Variants in DCDC1 observed in about 807,000 individuals in gnomAD.
DCDC1 encodes the protein doublecortin domain-containing protein 1.
A neutral mutation model predicts 178.3 loss-of-function variants in DCDC1; 200 were observed. The observed-to-expected ratio is 1.12, with a 90% CI of 1.00 to 1.26. DCDC1 has a LOEUF of 1.26. DCDC1 is among the 50% of genes most tolerant of loss of function. The pLI is 0.00. For missense variants in DCDC1, 1,983 were observed against 1,749.2 expected (o/e 1.13, Z -2.38); for synonymous variants, 690 against 604.8 (o/e 1.14, Z -2.07).
intron 20 of DCDC1, among the ~76,000 whole-genome samples, chr11:30,994,263 T>C (rs1230766528): frequency 6.6e-6 from 1 of 152,074 alleles, no homozygotes; most frequent in Admixed American, 6.6e-5. Context: ...GCATTCGTAA[T>C]AAAAATTTAC....
chr11:30,934,341 T>C (rs1237359430), intron 21 of DCDC1, among the ~76,000 whole-genome samples: 1 of 152,266 alleles, frequency 6.6e-6, no homozygotes, highest in South Asian at 2.1e-4. Context: ...CCAGGGTGAA[T>C]GGAATGGCCA....
intron 3 of DCDC1, among the ~76,000 whole-genome samples, chr11:31,325,974 T>G (rs1184086777): frequency 3.9e-5 from 6 of 152,072 alleles, no homozygotes; most frequent in Non-Finnish European, 8.8e-5. Flanking sequence ...CAATGGCTCT[T>G]AAATTACCAT....
At chr11:31,079,288 A>T (rs1957040666) in intron 17 of DCDC1, among the ~76,000 whole-genome samples, 1 of 152,176 alleles carries the variant, frequency 6.6e-6, no homozygotes, top group African/African-American at 2.4e-5. Flanking sequence ...ATGTGCCAGG[A>T]GGGTGGTGCA....
intron 20 of DCDC1, among the ~76,000 whole-genome samples, chr11:31,021,038 T>C (rs1176230912): frequency 1.3e-5 from 2 of 152,242 alleles, no homozygotes; most frequent in Non-Finnish European, 2.9e-5. Flanking sequence ...GACCATTTTT[T>C]TTAATCTTGC....
At chr11:30,955,166 C>A (rs1223507194) in intron 20 of DCDC1, among the ~76,000 whole-genome samples, 1 of 152,142 alleles carries the variant, frequency 6.6e-6, no homozygotes, top group East Asian at 1.9e-4. Flanking sequence ...TTGTAGTTTT[C>A]TCATTCACAC....
At chr11:31,139,496 G>A (rs546856367) in intron 9 of DCDC1, among the ~76,000 whole-genome samples, 8 of 152,240 alleles carry the variant, frequency 5.3e-5, no homozygotes, top group Admixed American at 2.0e-4. Flanking sequence ...GAGAGGAAAC[G>A]GGTGTAGAAG....
rs750424489 is a variant in DCDC1 at position 30,900,328 on chromosome 11, C to A, written c.4663+18G>T. 3.8e-4 allele frequency: 564 copies of A among 1,488,974 alleles called. No homozygotes were observed. The highest frequency in any genetic ancestry group is 1.1e-3 in the Middle Eastern group (6 of 5,656). 92.2% of individuals were successfully genotyped at this position (1,488,974 alleles called of 1,614,324 possible). ...CTTCATATACTTGCTTGAAAGAAAG[C>A]AAAAACAAAAAAGTTACCATTTGGA... On this transcript the variant is annotated intron_variant, in intron 33 of 38. Transcript: ENST00000684477.
chr11:31,116,623 G>C (rs1171734721), intron 11 of DCDC1, among the ~76,000 whole-genome samples: 1 of 151,890 alleles, frequency 6.6e-6, no homozygotes, highest in Non-Finnish European at 1.5e-5. Flanking sequence ...AATATTCAAA[G>C]TGATAATGAC....
chr11:31,160,290 A>G (rs2136158548), intron 9 of DCDC1, among the ~76,000 whole-genome samples: 1 of 152,300 alleles, frequency 6.6e-6, no homozygotes, highest in African/African-American at 2.4e-5. Context: ...TACTCATCAC[A>G]CATTCGGAAT....
intron 20 of DCDC1, among the ~76,000 whole-genome samples, chr11:31,011,520 C>T (rs555343269): frequency 2.6e-5 from 4 of 152,292 alleles, no homozygotes; most frequent in African/African-American, 9.6e-5. Context: ...TGCTCTGCTT[C>T]ACCAGTAGTC....
chr11:30,902,049 T>C (rs1944716560), intron 32 of DCDC1, among the ~76,000 whole-genome samples: 1 of 152,096 alleles, frequency 6.6e-6, no homozygotes, highest in South Asian at 2.1e-4. Flanking sequence ...ATTGAATATA[T>C]ATACACATAT....
intron 36 of DCDC1, among the ~76,000 whole-genome samples, chr11:30,884,011 G>A (rs950705420): frequency 5.4e-4 from 68 of 125,412 alleles, no homozygotes; most frequent in Middle Eastern, 5.4e-3. Flanking sequence ...GCAAGAAAAA[G>A]AAAACCAAAG....
At chr11:31,137,308 A>C (rs1012863347) in intron 10 of DCDC1, among the ~76,000 whole-genome samples, 1 of 150,848 alleles carries the variant, frequency 6.6e-6, no homozygotes, top group Non-Finnish European at 1.5e-5. Context: ...TTACTATAAG[A>C]CTCAAAGTAA....
At chr11:30,950,837 A>T (rs747844031) in intron 21 of DCDC1, among the ~76,000 whole-genome samples, 12 of 152,212 alleles carry the variant, frequency 7.9e-5, no homozygotes, top group Middle Eastern at 6.8e-3. Flanking sequence ...GTATATTTTT[A>T]AATAACCAAA....
intron 20 of DCDC1, among the ~76,000 whole-genome samples, chr11:30,987,590 T>TA (rs1950727418): frequency 6.6e-6 from 1 of 152,034 alleles, no homozygotes; most frequent in Non-Finnish European, 1.5e-5. Context: ...ACCTCTCTTA[T>TA]AGGGCTATAT....
At chr11:31,039,005 T>C (rs1485890941) in intron 20 of DCDC1, among the ~76,000 whole-genome samples, 2 of 152,216 alleles carry the variant, frequency 1.3e-5, no homozygotes, top group Admixed American at 1.3e-4. Context: ...TTTAATTTCA[T>C]CATTTGATGA....
chr11:31,076,495 T>C (rs1956872607), intron 18 of DCDC1, among the ~76,000 whole-genome samples: 1 of 152,046 alleles, frequency 6.6e-6, no homozygotes, highest in Admixed American at 6.6e-5. Context: ...ATCACAGGCA[T>C]GCACCATCAG....
chr11:31,129,575 T>A (rs1251901917), intron 10 of DCDC1, among the ~76,000 whole-genome samples: 2 of 152,134 alleles, frequency 1.3e-5, no homozygotes, highest in East Asian at 3.9e-4. Flanking sequence ...CAAAAAAAAA[T>A]AATAATAAGC....
intron 7 of DCDC1, among the ~76,000 whole-genome samples, chr11:31,287,141 A>G (rs1183459881): frequency 6.6e-6 from 1 of 151,992 alleles, no homozygotes; most frequent in Non-Finnish European, 1.5e-5. Flanking sequence ...TGGAGGAGTA[A>G]CTCATATTTA....
Sources: allele counts gnomAD v4.1 joint callset (sites outside exome capture counted in the v4.1 genomes callset), GRCh38; gene constraint gnomAD v4.1.1; transcripts MANE v1.5; gene names NCBI Gene and HGNC (gene_info 2026-07-23, HGNC 2026-07-21).